SPART: variants seen among roughly 807,000 people sequenced by gnomAD.
SPART encodes spartin, also known as spastic paraplegia 20 (Troyer syndrome).
SPART carries 35 observed loss-of-function variants against 58.7 expected under a neutral mutation model. The ratio of observed to expected loss-of-function variants is 0.60; its 90% CI spans 0.46 to 0.79. The LOEUF (loss-of-function observed/expected upper bound fraction) is 0.79. SPART is among the 30% of genes least tolerant of loss of function. SPART has a pLI of 0.00. For missense variants in SPART, 730 were observed against 786.1 expected, an observed-to-expected ratio of 0.93 and a Z score of 0.85; for synonymous variants, 284 against 280.7, an observed-to-expected ratio of 1.01 and a Z score of -0.12.
chr13:36,362,645 G>C (rs1885909709), intron 1 of SPART, among the ~76,000 whole-genome samples: 1 of 152,038 alleles, frequency 6.6e-6, no homozygotes, highest in South Asian at 2.1e-4. Context: ...TGCAGATCTT[G>C]AGTAGATCTT....
rs1762908736 is a variant in SPART, at chr13:36,304,193, T to C, written c.*172A>G. 1 of 738,722 alleles carries C rather than the reference T, an allele frequency of 1.4e-6. No homozygotes were observed. Among genetic ancestry groups the C allele is most frequent in the South Asian group, 1.8e-5 (1 of 55,808 alleles). The allele number at this position is 738,722 out of a possible 1,614,324, so 45.8% of individuals were successfully genotyped here. On this transcript the variant is annotated 3_prime_UTR_variant, in exon 9 of 9. Coordinates refer to ENST00000438666, the MANE Select transcript of SPART (RefSeq NM_015087.5). ...TTCTAAGGCCAGATGCAAGAATACT[T>C]ATTCTTTTCCTTTTAAATAGAAGAC...
intron 8 of SPART, among the ~76,000 whole-genome samples, chr13:36,310,831 C>A (rs1363474019): frequency 6.7e-6 from 1 of 149,982 alleles, no homozygotes; most frequent in Non-Finnish European, 1.5e-5. Flanking sequence ...ACACAAATCA[C>A]CTCTCCCTTG....
intron 5 of SPART, among the ~76,000 whole-genome samples, chr13:36,323,453 T>C (rs1183850743): frequency 2.7e-5 from 4 of 149,608 alleles, no homozygotes; most frequent in Non-Finnish European, 4.5e-5. Context: ...ACTTTCAGCA[T>C]GGTTGTTTTA....
chr13:36,328,446 A>G (rs895905145), intron 4 of SPART, among the ~76,000 whole-genome samples: 1 of 152,114 alleles, frequency 6.6e-6, no homozygotes, highest in Non-Finnish European at 1.5e-5. Context: ...TTCAAGACTC[A>G]TTTTAGTTAT....
intron 2 of SPART, among the ~76,000 whole-genome samples, chr13:36,334,307 C>A (rs1322319701): frequency 2.0e-5 from 3 of 152,170 alleles, no homozygotes; most frequent in African/African-American, 7.2e-5. Context: ...GCACTCTTTA[C>A]TCTTAGACCA....
chr13:36,356,188 T>C (rs1027550270), intron 1 of SPART, among the ~76,000 whole-genome samples: 10 of 152,204 alleles, frequency 6.6e-5, no homozygotes, highest in African/African-American at 2.4e-4. Flanking sequence ...CCCCTAGTGG[T>C]GTTGACTCAA....
At chr13:36,320,685 GC>G (rs1220551042) in intron 5 of SPART, among the ~76,000 whole-genome samples, 5 of 152,020 alleles carry the variant, frequency 3.3e-5, no homozygotes, top group African/African-American at 1.2e-4. Context: ...TACTCAACAT[GC>G]CCCGAGTCAG....
intron 1 of SPART, among the ~76,000 whole-genome samples, chr13:36,355,887 G>A (rs1317317522): frequency 6.6e-6 from 1 of 152,142 alleles, no homozygotes; most frequent in Admixed American, 6.5e-5. Context: ...TAGCTCCTTG[G>A]CATTAACATC....
At chr13:36,363,116 T>G (rs1885926925) in intron 1 of SPART, among the ~76,000 whole-genome samples, 1 of 152,200 alleles carries the variant, frequency 6.6e-6, no homozygotes, top group South Asian at 2.1e-4. Flanking sequence ...GACCACACTT[T>G]GAGTGGCATG....
intron 1 of SPART, among the ~76,000 whole-genome samples, chr13:36,361,604 A>G (rs1885862358): frequency 6.6e-6 from 1 of 152,092 alleles, no homozygotes; most frequent in African/African-American, 2.4e-5. Context: ...GGGTTTCGCC[A>G]TGTTAGCCAG....
intron 5 of SPART, among the ~76,000 whole-genome samples, chr13:36,317,391 T>C (rs1188494379): frequency 1.3e-5 from 2 of 152,060 alleles, no homozygotes; most frequent in Non-Finnish European, 2.9e-5. Context: ...CCCAACCTCG[T>C]ATCTCTGTGC....
At chr13:36,354,468 C>T (rs1885543434) in intron 1 of SPART, among the ~76,000 whole-genome samples, 1 of 152,152 alleles carries the variant, frequency 6.6e-6, no homozygotes, top group Non-Finnish European at 1.5e-5. Flanking sequence ...ACAGGCACTG[C>T]ATGCCTATAA....
intron 1 of SPART, among the ~76,000 whole-genome samples, chr13:36,337,810 C>T (rs758142622): frequency 2.7e-4 from 41 of 152,114 alleles, no homozygotes; most frequent in Non-Finnish European, 4.9e-4. Context: ...AGTAGTGATG[C>T]TGGCAATTTT....
intron 1 of SPART, among the ~76,000 whole-genome samples, chr13:36,367,984 T>C (rs1456964655): frequency 1.3e-5 from 2 of 152,194 alleles, no homozygotes; most frequent in African/African-American, 2.4e-5. Context: ...GTGTTCTCTA[T>C]TCTCATTGCA....
rs536209576 is a variant in SPART, at chr13:36,339,176, T to C, written c.-2-3344A>G. 3.1e-4 allele frequency among the ~76,000 whole-genome samples: 47 copies of C among 151,394 alleles called. No individual in the cohort carries two copies. The East Asian group carries it at 7.6e-3, about 24-fold the overall frequency. Reference sequence around the variant, plus strand: ...AATAAAAAGTGGGATGCGTGCATACTGAAAGAAGGATATTCGAGTGACAAA... The same window carrying C: ...AATAAAAAGTGGGATGCGTGCATACCGAAAGAAGGATATTCGAGTGACAAA... On this transcript the variant is annotated intron_variant, in intron 1 of 8. Coordinates refer to ENST00000438666, the MANE Select transcript of SPART (RefSeq NM_015087.5).
chr13:36,333,437 T>TC (rs1883655415), intron 2 of SPART, among the ~76,000 whole-genome samples: 1 of 151,478 alleles, frequency 6.6e-6, no homozygotes, highest in Admixed American at 6.6e-5. Context: ...GTATTTTTTT[T>TC]TTTTTTTTGG....
At chr13:36,364,533 G>C (rs1885984834) in intron 1 of SPART, among the ~76,000 whole-genome samples, 1 of 152,104 alleles carries the variant, frequency 6.6e-6, no homozygotes, top group African/African-American at 2.4e-5. Context: ...TGTTCTGATG[G>C]CAATCCCACG....
chr13:36,309,843 T>C (rs183206230), intron 8 of SPART, among the ~76,000 whole-genome samples: 22 of 152,276 alleles, frequency 1.4e-4, no homozygotes, highest in Non-Finnish European at 2.9e-4. Flanking sequence ...ACAAATTCTA[T>C]GTAACAAGCC....
intron 2 of SPART, among the ~76,000 whole-genome samples, chr13:36,333,934 A>G (rs1245302479): frequency 6.6e-6 from 1 of 152,142 alleles, no homozygotes; most frequent in Non-Finnish European, 1.5e-5. Context: ...CCCTCAAAGT[A>G]TCTCCCTCAC....
Sources: gnomAD v4.1 joint callset for allele counts (sites outside exome capture counted in the v4.1 genomes callset) on GRCh38, gnomAD v4.1.1 for gene constraint, MANE v1.5 for transcripts, NCBI Gene and HGNC (gene_info 2026-07-23, HGNC 2026-07-21) for gene names.